The following NRXN1 variants were observed in gnomAD, a reference collection of about 807,000 sequenced individuals.
The protein encoded by NRXN1 is neurexin-1.
Under a neutral mutation model 150.9 loss-of-function variants are expected in NRXN1, and 39 were observed. That is an observed-to-expected ratio of 0.26 (90% CI 0.20 to 0.34). The LOEUF is 0.34. NRXN1 is among the 10% of genes least tolerant of loss of function. The pLI is 1.00. For missense variants in NRXN1, 1,815 were observed against 1,949.9 expected (o/e 0.93, Z 1.30); for synonymous variants, 924 against 757.0 (o/e 1.22, Z -3.62).
At chr2:50,133,033 A>C (rs1705784785) in intron 18 of NRXN1, among the ~76,000 whole-genome samples, 1 of 152,160 alleles carries the variant, frequency 6.6e-6, no homozygotes, top group Admixed American at 6.5e-5. Flanking sequence ...CTGTTCCCTT[A>C]GGAAGTGCAA....
At chr2:49,978,438 T>C (rs1222912461) in intron 21 of NRXN1, among the ~76,000 whole-genome samples, 1 of 151,998 alleles carries the variant, frequency 6.6e-6, no homozygotes, top group Non-Finnish European at 1.5e-5. Flanking sequence ...ATAGATAAGG[T>C]TTCTGAAAAC....
At chr2:49,990,124 G>A (rs1681665762) in intron 21 of NRXN1, among the ~76,000 whole-genome samples, 1 of 151,516 alleles carries the variant, frequency 6.6e-6, no homozygotes, top group Admixed American at 6.6e-5. Context: ...AACTATCAAA[G>A]AGTGATAGAA....
chr2:50,515,562 C>A (rs1336743172), intron 12 of NRXN1, among the ~76,000 whole-genome samples: 1 of 150,660 alleles, frequency 6.6e-6, no homozygotes, highest in Non-Finnish European at 1.5e-5. Flanking sequence ...CTTTCCTTTT[C>A]TGCAAATTTA....
intron 17 of NRXN1, among the ~76,000 whole-genome samples, chr2:50,253,760 G>A (rs1425578245): frequency 6.6e-6 from 1 of 152,144 alleles, no homozygotes; most frequent in East Asian, 1.9e-4. Flanking sequence ...CAGGGATAAA[G>A]CCGACTTGAT....
chr2:50,019,826 T>C (rs1353887384), intron 21 of NRXN1, among the ~76,000 whole-genome samples: 1 of 147,892 alleles, frequency 6.8e-6, no homozygotes, highest in Non-Finnish European at 1.5e-5. Flanking sequence ...CGGGCGCCTA[T>C]AGTCCCAGCT....
chr2:51,027,534 C>T lies in NRXN1; in HGVS notation c.740G>A (p.Arg247Gln), dbSNP rs1478221604. 2 of 1,560,040 alleles carry T rather than the reference C, an allele frequency of 1.3e-6. No individual in the cohort carries two copies. Among genetic ancestry groups the T allele is most frequent in the Non-Finnish European group, 1.7e-6 (2 of 1,148,538 alleles). Residue 247 changes from arginine to glutamine, a missense_variant, in exon 2 of 23, where the codon CGA becomes CAA. This residue lies in a region of NRXN1 where 554 missense variants were observed against 478.8 expected (regional missense o/e 1.16). Coordinates refer to ENST00000401669, the MANE Select transcript of NRXN1 (RefSeq NM_001330078.2). The stretch of plus-strand genomic sequence containing the variant: ...GCAGTCCTTGCCGCGGAAGCCGGTT[C>T]GCGAGCAGTCGCACACGGCCTGGTC... The part of the protein sequence containing the change: ...VDDQAVCDCS[R>Q]TGFRGKDCSQ...
chr2:50,283,153 A>T (rs1402512938), intron 17 of NRXN1, among the ~76,000 whole-genome samples: 1 of 152,230 alleles, frequency 6.6e-6, no homozygotes, highest in East Asian at 1.9e-4. Context: ...GTGAATATAA[A>T]AAAGTATTAC....
At chr2:50,498,137 A>G (rs1161542261) in intron 13 of NRXN1, among the ~76,000 whole-genome samples, 1 of 152,094 alleles carries the variant, frequency 6.6e-6, no homozygotes, top group South Asian at 2.1e-4. Context: ...AGCCTCATGG[A>G]TAGGTGATGT....
intron 18 of NRXN1, among the ~76,000 whole-genome samples, chr2:50,154,512 T>C (rs2058894398): frequency 6.6e-6 from 1 of 151,474 alleles, no homozygotes; most frequent in Admixed American, 6.6e-5. Context: ...TAAAAACAAA[T>C]GGAATTGACC....
intron 17 of NRXN1, among the ~76,000 whole-genome samples, chr2:50,239,662 GTATATA>G (rs59505952): frequency 0.024 from 1,131 of 46,950 alleles, 15 homozygotes; most frequent in Middle Eastern, 0.034. Context: ...ACCTATTCCA[GTATATA>G]TATATATATA....
chr2:50,398,494 G>A (rs940910234), intron 17 of NRXN1, among the ~76,000 whole-genome samples: 3 of 152,090 alleles, frequency 2.0e-5, no homozygotes, highest in Non-Finnish European at 4.4e-5. Context: ...AAAAAAAACA[G>A]TATTGTGGAA....
intron 22 of NRXN1, among the ~76,000 whole-genome samples, chr2:49,931,909 T>C (rs2104204492): frequency 6.6e-6 from 1 of 152,340 alleles, no homozygotes; most frequent in African/African-American, 2.4e-5. Flanking sequence ...TCCTTTTTTA[T>C]ATATAGATAA....
intron 5 of NRXN1, among the ~76,000 whole-genome samples, chr2:50,834,539 T>C (rs1671840459): frequency 6.6e-6 from 1 of 152,174 alleles, no homozygotes; most frequent in African/African-American, 2.4e-5. Flanking sequence ...ACCAGTTTCA[T>C]GTATCATAAT....
chr2:50,870,056 A>T (rs950653929), intron 5 of NRXN1, among the ~76,000 whole-genome samples: 1 of 151,894 alleles, frequency 6.6e-6, no homozygotes, highest in Non-Finnish European at 1.5e-5. Flanking sequence ...ATAATATTGT[A>T]ATTGGATTCT....
At chr2:50,076,059 C>T in intron 19 of NRXN1, among the ~76,000 whole-genome samples, 1 of 152,212 alleles carries the variant, frequency 6.6e-6, no homozygotes, top group East Asian at 1.9e-4. Flanking sequence ...GATTACTGAA[C>T]ACCATTCTGT....
At chr2:50,330,890 T>G (rs571154389) in intron 17 of NRXN1, among the ~76,000 whole-genome samples, 1 of 152,306 alleles carries the variant, frequency 6.6e-6, no homozygotes, top group East Asian at 1.9e-4. Context: ...GCTGGACATT[T>G]AATATTCTTG....
At chr2:50,829,993 C>A (rs1405580140) in intron 5 of NRXN1, among the ~76,000 whole-genome samples, 3 of 56,850 alleles carry the variant, frequency 5.3e-5, no homozygotes, top group African/African-American at 1.1e-4. Flanking sequence ...AGAATACTGC[C>A]TGCTGGAAAA....
chr2:50,263,193 C>CACACAT (rs1439017552), intron 17 of NRXN1, among the ~76,000 whole-genome samples: 2 of 138,508 alleles, frequency 1.4e-5, no homozygotes, highest in African/African-American at 5.4e-5. Context: ...CACACACACA[C>CACACAT]ATACACAAAC....
At chr2:51,026,771 C>T (rs868237172) in intron 2 of NRXN1, among the ~76,000 whole-genome samples, 1 of 152,194 alleles carries the variant, frequency 6.6e-6, no homozygotes, top group African/African-American at 2.4e-5. Flanking sequence ...TGACCTCACA[C>T]TTCAAGAAAC....
Sources: gnomAD v4.1 joint callset for allele counts (sites outside exome capture counted in the v4.1 genomes callset) on GRCh38, gnomAD v4.1.1 for gene constraint, gnomAD v4.1.1 regional missense constraint, MANE v1.5 for transcripts, NCBI Gene and HGNC (gene_info 2026-07-23, HGNC 2026-07-21) for gene names.